Variants in DUSP7 observed in about 807,000 individuals in gnomAD.
The protein encoded by DUSP7 is dual specificity phosphatase 7.
A neutral mutation model predicts 29.8 loss-of-function variants in DUSP7; 7 were observed. The ratio of observed to expected loss-of-function variants is 0.24; its 90% CI spans 0.13 to 0.44. The LOEUF (loss-of-function observed/expected upper bound fraction) is 0.44. Among genes scored for constraint, DUSP7 ranks in the 20% least tolerant of loss-of-function variants. The probability of loss-of-function intolerance (pLI) is 1.00; values close to 1 mark genes in which losing one functional copy is unlikely to be tolerated. For missense variants in DUSP7, 400 were observed against 583.7 expected, an observed-to-expected ratio of 0.69 and a Z score of 3.24; for synonymous variants, 287 against 275.4, an observed-to-expected ratio of 1.04 and a Z score of -0.42.
chr3:52,055,170 G>A (rs1169027523), intron 1 of DUSP7, among the ~76,000 whole-genome samples: 6 of 122,822 alleles, frequency 4.9e-5, no homozygotes, highest in African/African-American at 9.2e-5. Context: ...CCGCCCCGCT[G>A]CCAGCAAGAG....
Position 52,053,835 on chromosome 3 carries a change from A to C in DUSP7, c.952+105T>G, listed in dbSNP as rs1701870008. The C allele has an allele frequency of 7.9e-7, 1 of 1,268,178 alleles. No individual in the cohort carries two copies. Among genetic ancestry groups the C allele is most frequent in the African/African-American group, 1.5e-5 (1 of 67,568 alleles). The allele number at this position is 1,268,178 out of a possible 1,614,324, so 78.6% of individuals were successfully genotyped here. On this transcript the variant is annotated intron_variant, in intron 2 of 2. Transcript: ENST00000495880. This position sits in a 1 kb window ranked among gnomAD's most constrained non-coding sequence, Gnocchi z 4.6. ...ACGCTGGCACACGTAGGGCACACAC[A>C]GGTCTCAACAGGCCCAGAGGTACCC...
chr3:52,051,120 C>T lies in DUSP7; in HGVS notation c.955G>A (p.Glu319Lys), dbSNP rs1011364601. The T allele has an allele frequency of 1.9e-6, 3 of 1,604,608 alleles. No individual in the cohort carries two copies. Among genetic ancestry groups the T allele is most frequent in the East Asian group, 2.2e-5 (1 of 44,780 alleles). ...ACACCACACTTCTTGGAGCGGGCTTCGTCTGAAACACATTGGCATGGGTCA... is the reference window on the plus strand; with the variant it reads ...ACACCACACTTCTTGGAGCGGGCTTTGTCTGAAACACATTGGCATGGGTCA... ...FFPEAISFID[E>K]ARSKKCGVLV... is the part of the protein sequence containing the mutation. Residue 319 changes from glutamate (E) to lysine (K), a missense_variant and splice_region_variant, in exon 3 of 3, where the codon GAA becomes AAA. By Grantham distance (56) the Glu-to-Lys change is moderately conservative (BLOSUM62 1). This residue lies in a region of DUSP7 where 223 missense variants were observed against 360.9 expected (regional missense o/e 0.62). Coordinates refer to ENST00000495880, the MANE Select transcript of DUSP7 (RefSeq NM_001947.4). The surrounding 1 kb of genome is among the most constrained non-coding windows in gnomAD (Gnocchi z 4.8).
chr3:52,054,149 A>T lies in DUSP7; in HGVS notation c.743T>A (p.Ile248Asn), dbSNP rs1216368226. 6.2e-7 allele frequency: 1 copy of T among 1,613,968 alleles called. No individual in the cohort carries two copies. Among genetic ancestry groups the T allele is most frequent in the Non-Finnish European group, 8.5e-7 (1 of 1,180,012 alleles). Reference protein sequence around the residue: ...PSSQPAFPVQILPYLYLGCAK... With the variant: ...PSSQPAFPVQNLPYLYLGCAK... ...GCAGCCGAGGTAGAGGTAGGGCAGG[A>T]TCTGGACAGGGAAGGCTGGTTGGCT... Residue 248 changes from isoleucine (I) to asparagine (N), a missense_variant, in exon 2 of 3, where the codon ATC (isoleucine) becomes AAC (asparagine). Physicochemically the swap from Ile to Asn is moderately radical, Grantham distance 149. Around this residue, in one of 4 missense-constraint regions of DUSP7, gnomAD observed 223 missense variants for 360.9 expected, o/e 0.62. Coordinates refer to ENST00000495880, the MANE Select transcript of DUSP7 (RefSeq NM_001947.4). The surrounding 1 kb of genome is among the most constrained non-coding windows in gnomAD (Gnocchi z 4.1).
Position 52,054,415 on chromosome 3 carries a change from G to A in DUSP7, c.518-41C>T. 1.3e-6 allele frequency: 2 copies of A among 1,496,176 alleles called. No homozygotes were observed. The highest frequency in any genetic ancestry group is 1.8e-6 in the Non-Finnish European group (2 of 1,117,018). The allele number at this position is 1,496,176 out of a possible 1,614,324, so 92.7% of individuals were successfully genotyped here. A position where few individuals can be genotyped will look rare whatever the true frequency, so the allele number is the denominator to read the frequency against. ...GACAGGGCCTGGGTGAGAGGCTGGT[G>A]AGAGCCCAGATGGGCTGCACAAGAC... On this transcript the variant is annotated intron_variant, in intron 1 of 2. Coordinates refer to ENST00000495880, the MANE Select transcript of DUSP7 (RefSeq NM_001947.4). The surrounding 1 kb of genome is among the most constrained non-coding windows in gnomAD (Gnocchi z 4.1).
chr3:52,050,953 G>A lies in DUSP7; in HGVS notation c.1122C>T (p.Phe374=), dbSNP rs1701840679. 1 of 1,614,280 alleles carries A rather than the reference G, an allele frequency of 6.2e-7. No homozygotes were observed. Among genetic ancestry groups the A allele is most frequent in the South Asian group, 1.1e-5 (1 of 91,088 alleles). ...KKSNISPNFN[F]MGQLLDFERT... ...GCTCAAAGTCCAGCAGCTGCCCCAT[G>A]AAGTTGAAGTTGGGCGAGATGTTGG... The change falls in exon 3 of 3, where the codon TTC becomes TTT. Residue 374 remains phenylalanine, a synonymous_variant. Transcript: ENST00000495880. This position sits in a 1 kb window ranked among gnomAD's most constrained non-coding sequence, Gnocchi z 5.0.
In DUSP7 at chr3:52,054,440, C is replaced by G; in HGVS notation, c.518-66G>C. 7.4e-7 allele frequency: 1 copy of G among 1,357,796 alleles called. No homozygotes were observed. The highest frequency in any genetic ancestry group is 1.4e-5 in the South Asian group (1 of 69,806). 84.1% of individuals were successfully genotyped at this position (1,357,796 alleles called of 1,614,324 possible). A position where few individuals can be genotyped will look rare whatever the true frequency, so the allele number is the denominator to read the frequency against. ...GAGAGCCCAGATGGGCTGCACAAGA[C>G]CAGAGATGGCCAGGACTCTGCACGC... On this transcript the variant is annotated intron_variant, in intron 1 of 2. Transcript: ENST00000495880. This position sits in a 1 kb window ranked among gnomAD's most constrained non-coding sequence, Gnocchi z 4.1.
Position 52,053,904 on chromosome 3 carries a change from G to A in DUSP7, c.952+36C>T, listed in dbSNP as rs762438295. 1.2e-6 allele frequency: 2 copies of A among 1,612,232 alleles called. No individual in the cohort carries two copies. Among genetic ancestry groups the A allele is most frequent in the African/African-American group, 2.7e-5 (2 of 74,872 alleles). ...CCCAGAGTCCTGCATACACCTTGATGCACCCACACCCCCCTGCCCAGCACA... is the reference window on the plus strand; with the variant it reads ...CCCAGAGTCCTGCATACACCTTGATACACCCACACCCCCCTGCCCAGCACA... On this transcript the variant is annotated intron_variant, in intron 2 of 2. Coordinates refer to ENST00000495880, the MANE Select transcript of DUSP7 (RefSeq NM_001947.4). This position sits in a 1 kb window ranked among gnomAD's most constrained non-coding sequence, Gnocchi z 4.6.
chr3:52,050,681 G>T lies in DUSP7; in HGVS notation c.*134C>A. The T allele has an allele frequency of 9.4e-7, 1 of 1,067,106 alleles. No homozygotes were observed. Among genetic ancestry groups the T allele is most frequent in the Non-Finnish European group, 1.3e-6 (1 of 756,076 alleles). The allele number at this position is 1,067,106 out of a possible 1,614,324, so 66.1% of individuals were successfully genotyped here. On this transcript the variant is annotated 3_prime_UTR_variant, in exon 3 of 3. Transcript: ENST00000495880. The surrounding 1 kb of genome is among the most constrained non-coding windows in gnomAD (Gnocchi z 5.0). ...GGATGGTGAGGGGCGCTCCGACACC[G>T]ATCAGCCTGGGCCTCTGGGCACAGG...
rs183787531 is a variant in DUSP7, at chr3:52,049,918, G to C, written c.*897C>G. 1 of 152,376 alleles carries C rather than the reference G, an allele frequency of 6.6e-6. No individual in the cohort carries two copies. Among genetic ancestry groups the C allele is most frequent in the South Asian group, 2.1e-4 (1 of 4,828 alleles). The allele number at this position is 152,376 out of a possible 1,614,324, so 9.4% of individuals were successfully genotyped here. On this transcript the variant is annotated 3_prime_UTR_variant, in exon 3 of 3. Coordinates refer to ENST00000495880, the MANE Select transcript of DUSP7 (RefSeq NM_001947.4). ...GCCCCCTGCGGCCCACCTCCTGGGG[G>C]ACAGCGGCAGGGCCCCAGGGTCCCC...
rs1482324633 is a variant in DUSP7 at position 52,054,967 on chromosome 3, C to T, written c.518-593G>A. Among the ~76,000 whole-genome samples, 4 of 152,196 alleles carry T rather than the reference C, an allele frequency of 2.6e-5. No homozygotes were observed. Among genetic ancestry groups the T allele is most frequent in the Non-Finnish European group, 5.9e-5 (4 of 68,028 alleles). ...GGCTGGCCCCTTCCCCCAGCAGGGG[C>T]AGGTTTTTGAAGGGGGTCCTGGCTC... On this transcript the variant is annotated intron_variant, in intron 1 of 2. Coordinates refer to ENST00000495880, the MANE Select transcript of DUSP7 (RefSeq NM_001947.4). This position sits in a 1 kb window ranked among gnomAD's most constrained non-coding sequence, Gnocchi z 4.1.
chr3:52,055,778 C>A (rs188612381), intron 1 of DUSP7, 72 bp downstream of exon 1: 64 of 1,446,306 alleles, frequency 4.4e-5, no homozygotes, highest in Non-Finnish European at 5.7e-5. Context: ...GAGAGGAAAG[C>A]GCCTCCAAGG....
rs1163162906 is a variant in DUSP7 at position 52,051,538 on chromosome 3, G to C, written c.953-416C>G. The stretch of plus-strand genomic sequence containing the variant: ...TCACCTGCATCCTCTTGGGTCATCT[G>C]CACCATGGCCAGTAAGCCCATTTTA... On this transcript the variant is annotated intron_variant, in intron 2 of 2. Transcript: ENST00000495880. This position sits in a 1 kb window ranked among gnomAD's most constrained non-coding sequence, Gnocchi z 4.8. The C allele has an allele frequency of 6.0e-6, 1 of 167,914 alleles. No homozygotes were observed. Among genetic ancestry groups the C allele is most frequent in the African/African-American group, 2.4e-5 (1 of 42,014 alleles). The allele number at this position is 167,914 out of a possible 1,614,324, so 10.4% of individuals were successfully genotyped here.
chr3:52,049,939 T>TC lies in DUSP7; in HGVS notation c.*875dup, dbSNP rs1701829794. The TC allele has an allele frequency of 6.6e-6, 1 of 152,006 alleles. No individual in the cohort carries two copies. Among genetic ancestry groups the TC allele is most frequent in the Non-Finnish European group, 1.5e-5 (1 of 68,006 alleles). 9.4% of individuals were successfully genotyped at this position (152,006 alleles called of 1,614,324 possible). A position where few individuals can be genotyped will look rare whatever the true frequency, so the allele number is the denominator to read the frequency against. The stretch of plus-strand genomic sequence containing the variant: ...GGGGGACAGCGGCAGGGCCCCAGGG[T>TC]CCCCACCTTCTGCCTCAGGGAGGTC... On this transcript the variant is annotated 3_prime_UTR_variant, in exon 3 of 3. Coordinates refer to ENST00000495880, the MANE Select transcript of DUSP7 (RefSeq NM_001947.4).
Position 52,054,477 on chromosome 3 carries a change from G to T in DUSP7, c.518-103C>A. 1 of 941,648 alleles carries T rather than the reference G, an allele frequency of 1.1e-6. No individual in the cohort carries two copies. The highest frequency in any genetic ancestry group is 1.6e-6 in the Non-Finnish European group (1 of 641,888). 58.3% of individuals were successfully genotyped at this position (941,648 alleles called of 1,614,324 possible). The stretch of plus-strand genomic sequence containing the variant: ...AGGACTCTGCACGCCAAACACCACA[G>T]CACCCACGGTCAGCATGGGCCATGC... On this transcript the variant is annotated intron_variant, in intron 1 of 2. Transcript: ENST00000495880. This position sits in a 1 kb window ranked among gnomAD's most constrained non-coding sequence, Gnocchi z 4.1.
rs1701817168 is a variant in DUSP7, at chr3:52,049,090, T to C, written c.*1725A>G. 1 of 152,178 alleles carries C rather than the reference T, an allele frequency of 6.6e-6. No individual in the cohort carries two copies. The highest frequency in any genetic ancestry group is 2.1e-4 in the South Asian group (1 of 4,834). 9.4% of individuals were successfully genotyped at this position (152,178 alleles called of 1,614,324 possible). A position where few individuals can be genotyped will look rare whatever the true frequency, so the allele number is the denominator to read the frequency against. Reference sequence around the variant, plus strand: ...TCTGGCATACCCTCATTTACACAAATCTGGTACATCTTTCTGGGTTTTCTT... The same window carrying C: ...TCTGGCATACCCTCATTTACACAAACCTGGTACATCTTTCTGGGTTTTCTT... On this transcript the variant is annotated 3_prime_UTR_variant, in exon 3 of 3. Coordinates refer to ENST00000495880, the MANE Select transcript of DUSP7 (RefSeq NM_001947.4).
Position 52,056,180 on chromosome 3 carries a change from C to T in DUSP7, c.187G>A (p.Glu63Lys). 6.3e-7 allele frequency: 1 copy of T among 1,578,644 alleles called. No homozygotes were observed. Among genetic ancestry groups the T allele is most frequent in the Non-Finnish European group, 8.6e-7 (1 of 1,169,508 alleles). The change falls in exon 1 of 3, where the codon GAG (glutamate) becomes AAG (lysine). Residue 63 changes from glutamate (E) to lysine (K), a missense_variant. Coordinates refer to ENST00000495880, the MANE Select transcript of DUSP7 (RefSeq NM_001947.4). This position sits in a 1 kb window ranked among gnomAD's most constrained non-coding sequence, Gnocchi z 6.4. The part of the protein sequence containing the change: ...PCKSAEWLQE[E>K]LEARGGASLL... ...GACGCGCCGCCGCGCGCCTCCAGCT[C>T]CTCCTGCAGCCACTCGGCGCTCTTG...
In DUSP7 at chr3:52,055,412, C is replaced by CA. The variant is rs111549035; in HGVS notation, c.517+437dup. Among the ~76,000 whole-genome samples the CA allele has an allele frequency of 2.0e-5, 3 of 152,292 alleles. 1 individual carries two copies. The highest frequency in any genetic ancestry group is 7.2e-5 in the African/African-American group (3 of 41,566). ...AGGAGACCCCAACCCAAATGGTCTC[C>CA]ATGCGCTGGAGGTGAGGATGGTGCT... On this transcript the variant is annotated intron_variant, in intron 1 of 2. Coordinates refer to ENST00000495880, the MANE Select transcript of DUSP7 (RefSeq NM_001947.4).
rs1415555451 is a variant in DUSP7, at chr3:52,051,340, G to T, written c.953-218C>A. Among the ~76,000 whole-genome samples the T allele has an allele frequency of 6.6e-6, 1 of 152,212 alleles. No individual in the cohort carries two copies. The highest frequency in any genetic ancestry group is 2.4e-5 in the African/African-American group (1 of 41,446). ...AGGGCTCTGCACACTTTAGCCCCAA[G>T]GCACTGGACACCCGTGTCTGTTTCC... On this transcript the variant is annotated intron_variant, in intron 2 of 2. Coordinates refer to ENST00000495880, the MANE Select transcript of DUSP7 (RefSeq NM_001947.4). This position sits in a 1 kb window ranked among gnomAD's most constrained non-coding sequence, Gnocchi z 4.8.
In DUSP7 at chr3:52,053,740, AG is replaced by A; in HGVS notation, c.952+199del. The A allele has an allele frequency of 1.6e-6, 1 of 609,284 alleles. No individual in the cohort carries two copies. Among genetic ancestry groups the A allele is most frequent in the South Asian group, 2.0e-5 (1 of 51,216 alleles). The allele number at this position is 609,284 out of a possible 1,614,324, so 37.7% of individuals were successfully genotyped here. On this transcript the variant is annotated intron_variant, in intron 2 of 2. Coordinates refer to ENST00000495880, the MANE Select transcript of DUSP7 (RefSeq NM_001947.4). This position sits in a 1 kb window ranked among gnomAD's most constrained non-coding sequence, Gnocchi z 4.6. ...GAGCTCAGGACTCAGGAGACTGCTC[AG>A]GCCCCAACAGGTAGAGGGGCCCAAG...
Sources: allele counts gnomAD v4.1 joint callset (sites outside exome capture counted in the v4.1 genomes callset), GRCh38; gene constraint gnomAD v4.1.1; regional missense constraint gnomAD v4.1.1; non-coding constraint Gnocchi (gnomAD v3.1); transcripts MANE v1.5; gene names NCBI Gene and HGNC (gene_info 2026-07-23, HGNC 2026-07-21).